The following FSTL5 variants were observed in gnomAD, a reference collection of about 807,000 sequenced individuals.
FSTL5 encodes the protein follistatin like 5, also known as follistatin-related protein 5.
Under a neutral mutation model 89.1 loss-of-function variants are expected in FSTL5, and 62 were observed. The ratio of observed to expected loss-of-function variants is 0.70; its 90% CI spans 0.57 to 0.86. FSTL5 has a LOEUF of 0.86. FSTL5 is among the 40% of genes least tolerant of loss of function. FSTL5 has a pLI of 0.00. For synonymous variants in FSTL5, 383 were observed against 346.2 expected, an observed-to-expected ratio of 1.11 and a Z score of -1.18; for missense variants, 1,057 against 1,001.6, an observed-to-expected ratio of 1.06 and a Z score of -0.75.
chr4:161,440,574 C>G (rs1204609769), intron 15 of FSTL5, among the ~76,000 whole-genome samples: 1 of 152,144 alleles, frequency 6.6e-6, no homozygotes, highest in African/African-American at 2.4e-5. Context: ...GTTTTGCTCT[C>G]CTCATGCTTT....
intron 4 of FSTL5, among the ~76,000 whole-genome samples, chr4:161,867,126 T>C (rs1170707986): frequency 6.6e-6 from 1 of 152,038 alleles, no homozygotes; most frequent in Non-Finnish European, 1.5e-5. Context: ...GCTTCATCTA[T>C]TGAGGGCTTT....
chr4:161,694,695 G>A (rs1289658849), intron 6 of FSTL5, among the ~76,000 whole-genome samples: 3 of 151,660 alleles, frequency 2.0e-5, no homozygotes, highest in Non-Finnish European at 2.9e-5. Flanking sequence ...TTTCTTTTAT[G>A]TTTTACAATT....
chr4:161,851,708 T>C (rs1731554690), intron 4 of FSTL5, among the ~76,000 whole-genome samples: 3 of 151,414 alleles, frequency 2.0e-5, no homozygotes, highest in South Asian at 4.2e-4. Flanking sequence ...ACTCTGAAAA[T>C]AAATGTTAGA....
At chr4:161,980,261 AAAAGAAAGAAAG>A (rs60880931) in intron 3 of FSTL5, among the ~76,000 whole-genome samples, 34,246 of 147,654 alleles carry the variant, frequency 0.23, 4,510 homozygotes, top group African/African-American at 0.36. Flanking sequence ...GAAGAAAGAA[AAAAGAAAGAAAG>A]AAAGAAAGAA....
chr4:161,565,549 G>T (rs748020733), intron 8 of FSTL5, among the ~76,000 whole-genome samples: 6 of 151,560 alleles, frequency 4.0e-5, no homozygotes, highest in African/African-American at 7.3e-5. Flanking sequence ...ATGAAATCTT[G>T]GTACCTTTTC....
chr4:162,019,808 A>G lies in FSTL5; in HGVS notation c.160+13817T>C, dbSNP rs1737020436. On this transcript the variant is annotated intron_variant, in intron 3 of 15. Coordinates refer to ENST00000306100, the MANE Select transcript of FSTL5 (RefSeq NM_020116.5). ...TGTGTGTGTATGTGTGTGTTATGAT[A>G]TGGTTTTCAAAAGATGGAAAGTGAA... is the stretch of plus-strand genomic sequence containing the variant. 2.7e-5 allele frequency among the ~76,000 whole-genome samples: 4 copies of G among 150,692 alleles called. No homozygotes were observed. In the Admixed American group the frequency reaches 2.7e-4, roughly 10 times the overall value.
At chr4:161,841,668 G>A (rs148355352) in intron 4 of FSTL5, among the ~76,000 whole-genome samples, 70 of 152,242 alleles carry the variant, frequency 4.6e-4, no homozygotes, top group African/African-American at 1.5e-3. Context: ...TATAAAAATC[G>A]TTGGTAGTAT....
At chr4:161,822,552 G>A (rs1326637348) in intron 4 of FSTL5, among the ~76,000 whole-genome samples, 1 of 152,194 alleles carries the variant, frequency 6.6e-6, no homozygotes, top group East Asian at 1.9e-4. Context: ...ACCAGAGAAT[G>A]CAGTGACTCC....
At chr4:161,418,899 T>C (rs372499567) in intron 15 of FSTL5, among the ~76,000 whole-genome samples, 8 of 152,238 alleles carry the variant, frequency 5.3e-5, no homozygotes, top group Non-Finnish European at 1.0e-4. Flanking sequence ...GAAATGTGTA[T>C]AGCAAAGATG....
intron 1 of FSTL5, among the ~76,000 whole-genome samples, chr4:162,162,390 A>C (rs1733730017): frequency 6.6e-6 from 1 of 152,092 alleles, no homozygotes; most frequent in South Asian, 2.1e-4. Flanking sequence ...CATTCCTATT[A>C]ATATTGGACA....
At chr4:162,025,312 A>G (rs1162547942) in intron 3 of FSTL5, among the ~76,000 whole-genome samples, 1 of 152,186 alleles carries the variant, frequency 6.6e-6, no homozygotes, top group Non-Finnish European at 1.5e-5. Flanking sequence ...GAGGCTTTTG[A>G]TAAATATGTT....
chr4:162,152,256 T>C (rs574724247), intron 1 of FSTL5, among the ~76,000 whole-genome samples: 240 of 152,346 alleles, frequency 1.6e-3, no homozygotes, highest in African/African-American at 5.3e-3. Context: ...AAGCATTTTC[T>C]AGAAACTTTC....
chr4:161,928,694 T>C (rs1734197223), intron 3 of FSTL5, among the ~76,000 whole-genome samples: 1 of 151,818 alleles, frequency 6.6e-6, no homozygotes, highest in Non-Finnish European at 1.5e-5. Flanking sequence ...TATTTTCATA[T>C]GTTTGTTTAC....
intron 4 of FSTL5, among the ~76,000 whole-genome samples, chr4:161,822,413 C>T (rs999797979): frequency 7.9e-5 from 12 of 152,194 alleles, no homozygotes; most frequent in Admixed American, 7.2e-4. Flanking sequence ...AGCATGGGGT[C>T]TGGCCACTGT....
chr4:161,852,778 G>A (rs1467329308), intron 4 of FSTL5, among the ~76,000 whole-genome samples: 1 of 152,100 alleles, frequency 6.6e-6, no homozygotes, highest in Non-Finnish European at 1.5e-5. Context: ...ATACTATGCA[G>A]CCATAAAAAG....
At chr4:161,838,000 T>G in intron 4 of FSTL5, among the ~76,000 whole-genome samples, 1 of 152,322 alleles carries the variant, frequency 6.6e-6, no homozygotes, top group South Asian at 2.1e-4. Context: ...AACAGCTGAC[T>G]TTACTGTATT....
At chr4:161,954,054 G>A (rs1257579760) in intron 3 of FSTL5, among the ~76,000 whole-genome samples, 1 of 151,464 alleles carries the variant, frequency 6.6e-6, no homozygotes, top group Non-Finnish European at 1.5e-5. Flanking sequence ...TGTGTTAGAG[G>A]ATAATGTTGC....
intron 4 of FSTL5, among the ~76,000 whole-genome samples, chr4:161,776,629 G>A (rs921386099): frequency 6.7e-6 from 1 of 148,728 alleles, no homozygotes; most frequent in Non-Finnish European, 1.5e-5. Flanking sequence ...TTAGACATTT[G>A]GATTTGCATT....
At chr4:161,824,374 C>A (rs777566429) in intron 4 of FSTL5, among the ~76,000 whole-genome samples, 4 of 152,134 alleles carry the variant, frequency 2.6e-5, no homozygotes, top group Non-Finnish European at 5.9e-5. Context: ...GGCCTATGTG[C>A]CTATTTTTAT....
Sources: allele counts gnomAD v4.1 joint callset (sites outside exome capture counted in the v4.1 genomes callset), GRCh38; gene constraint gnomAD v4.1.1; transcripts MANE v1.5; gene names NCBI Gene and HGNC (gene_info 2026-07-23, HGNC 2026-07-21).